Variants in ERC2 observed in about 807,000 individuals in gnomAD.
ERC2 encodes the protein ERC protein 2.
Under a neutral mutation model 114.8 loss-of-function variants are expected in ERC2, and 42 were observed. The observed-to-expected ratio is 0.37, with a 90% confidence interval of 0.29 to 0.47. The LOEUF (loss-of-function observed/expected upper bound fraction) is 0.47, where lower values mean the gene tolerates loss of function less well. Ranked by LOEUF, ERC2 falls within the 20% of genes least tolerant of loss-of-function variation. ERC2 has a pLI of 0.99. For missense variants in ERC2, 939 were observed against 1,150.7 expected (o/e 0.82, Z 2.66); for synonymous variants, 454 against 425.5 (o/e 1.07, Z -0.82).
chr3:56,366,112 C>T (rs1474183408), intron 2 of ERC2, among the ~76,000 whole-genome samples: 1 of 152,208 alleles, frequency 6.6e-6, no homozygotes, highest in African/African-American at 2.4e-5. Flanking sequence ...CTTCCTCCAA[C>T]CAAATATTCT....
At chr3:55,608,117 A>G (rs2058724256) in intron 17 of ERC2, among the ~76,000 whole-genome samples, 1 of 152,222 alleles carries the variant, frequency 6.6e-6, no homozygotes, top group Admixed American at 6.5e-5. Context: ...AAGACTGGGT[A>G]GTAAGCATGT....
intron 6 of ERC2, among the ~76,000 whole-genome samples, chr3:56,116,025 G>T (rs1033207701): frequency 6.6e-6 from 1 of 152,102 alleles, no homozygotes; most frequent in African/African-American, 2.4e-5. Context: ...CTGGGAAACT[G>T]CTATAAAGGC....
intron 2 of ERC2, among the ~76,000 whole-genome samples, chr3:56,389,091 C>G (rs974188629): frequency 6.6e-6 from 1 of 151,988 alleles, no homozygotes; most frequent in South Asian, 2.1e-4. Flanking sequence ...CAAAGAATAG[C>G]TCACTTTCCC....
At chr3:55,577,796 T>C (rs753686263) in intron 17 of ERC2, among the ~76,000 whole-genome samples, 7 of 152,054 alleles carry the variant, frequency 4.6e-5, no homozygotes, top group South Asian at 2.1e-4. Context: ...GTAACCTCCA[T>C]GTTCCTGCGA....
chr3:56,446,393 G>A (rs1165952331), intron 1 of ERC2, among the ~76,000 whole-genome samples: 2 of 152,168 alleles, frequency 1.3e-5, no homozygotes, highest in Non-Finnish European at 2.9e-5. Flanking sequence ...GACCTCGCAT[G>A]CTGTATGGAG....
chr3:56,054,380 C>A (rs1429706593), intron 7 of ERC2, among the ~76,000 whole-genome samples: 2 of 152,186 alleles, frequency 1.3e-5, no homozygotes, highest in Non-Finnish European at 1.5e-5. Context: ...TTTCAAACCA[C>A]TGCACCCAAT....
At chr3:55,646,250 C>G (rs1435911089) in intron 17 of ERC2, among the ~76,000 whole-genome samples, 1 of 152,210 alleles carries the variant, frequency 6.6e-6, no homozygotes, top group African/African-American at 2.4e-5. Flanking sequence ...AACCTGTTCA[C>G]GCATTCCTTT....
chr3:55,706,745 C>T (rs1431257632), intron 15 of ERC2, among the ~76,000 whole-genome samples: 1 of 152,104 alleles, frequency 6.6e-6, no homozygotes, highest in East Asian at 1.9e-4. Context: ...TCAGCTAAAA[C>T]CCTAATCATA....
intron 3 of ERC2, among the ~76,000 whole-genome samples, chr3:56,257,224 G>T (rs898419554): frequency 2.6e-5 from 4 of 152,068 alleles, no homozygotes; most frequent in Non-Finnish European, 5.9e-5. Context: ...ATCTAAAATT[G>T]TGCTTGGTTC....
chr3:55,809,716 C>T (rs907154373), intron 14 of ERC2, among the ~76,000 whole-genome samples: 30 of 152,292 alleles, frequency 2.0e-4, no homozygotes, highest in African/African-American at 7.0e-4. Context: ...AAAGTCCCCA[C>T]TGGGCTTCCC....
chr3:55,879,649 G>A (rs2063030132), intron 14 of ERC2, among the ~76,000 whole-genome samples: 1 of 152,194 alleles, frequency 6.6e-6, no homozygotes, highest in Admixed American at 6.5e-5. Flanking sequence ...GAATAGACTA[G>A]AGGTGTAATT....
chr3:56,457,499 G>A (rs2063116807), intron 1 of ERC2, among the ~76,000 whole-genome samples: 1 of 152,082 alleles, frequency 6.6e-6, no homozygotes, highest in Non-Finnish European at 1.5e-5. Context: ...ATCAAAAGTA[G>A]GTAATTATTG....
chr3:55,810,824 G>C (rs1228883145), intron 14 of ERC2, among the ~76,000 whole-genome samples: 1 of 152,064 alleles, frequency 6.6e-6, no homozygotes, highest in Non-Finnish European at 1.5e-5. Context: ...TATTGTTGTT[G>C]AACAAATAAG....
intron 2 of ERC2, among the ~76,000 whole-genome samples, chr3:56,410,362 TA>T (rs1381898855): frequency 2.0e-5 from 3 of 152,324 alleles, no homozygotes; most frequent in Admixed American, 1.3e-4. Context: ...GCCATATGAA[TA>T]AATTAACAAA....
chr3:55,797,800 T>G (rs2070638892), intron 14 of ERC2, among the ~76,000 whole-genome samples: 1 of 152,168 alleles, frequency 6.6e-6, no homozygotes, highest in Admixed American at 6.5e-5. Flanking sequence ...GTGCTCTTTC[T>G]ACAAAAAGGA....
At chr3:56,258,004 T>A (rs2052637148) in intron 3 of ERC2, among the ~76,000 whole-genome samples, 2 of 152,200 alleles carry the variant, frequency 1.3e-5, no homozygotes, top group African/African-American at 4.8e-5. Context: ...TTATACACAA[T>A]TTTTTAAGTA....
At chr3:56,251,442 C>T (rs2052146024) in intron 3 of ERC2, among the ~76,000 whole-genome samples, 1 of 152,104 alleles carries the variant, frequency 6.6e-6, no homozygotes, top group Admixed American at 6.6e-5. Context: ...AATTTAATAA[C>T]TGATCTGCAC....
chr3:55,650,071 C>G (rs2060551197), intron 17 of ERC2, among the ~76,000 whole-genome samples: 1 of 152,160 alleles, frequency 6.6e-6, no homozygotes, highest in African/African-American at 2.4e-5. Flanking sequence ...CACTGTGAAA[C>G]AGAGGATTGT....
At chr3:55,628,435 G>A (rs79067587) in intron 17 of ERC2, among the ~76,000 whole-genome samples, 1 of 152,186 alleles carries the variant, frequency 6.6e-6, no homozygotes, top group South Asian at 2.1e-4. Flanking sequence ...TATACATAGG[G>A]TCTTTTCAAA....
Sources: allele counts gnomAD v4.1 joint callset (sites outside exome capture counted in the v4.1 genomes callset), GRCh38; gene constraint gnomAD v4.1.1; transcripts MANE v1.5; gene names NCBI Gene and HGNC (gene_info 2026-07-23, HGNC 2026-07-21).